Variants in NRF1 observed in about 807,000 individuals in gnomAD.
The protein encoded by NRF1 is nuclear respiratory factor 1.
NRF1 carries 5 observed loss-of-function variants against 58.5 expected under a neutral mutation model. The observed-to-expected ratio is 0.09, with a 90% CI of 0.04 to 0.18. The LOEUF (loss-of-function observed/expected upper bound fraction) is 0.18. NRF1 is among the 10% of genes least tolerant of loss of function. The probability of loss-of-function intolerance (pLI) is 1.00; values close to 1 mark genes in which losing one functional copy is unlikely to be tolerated. For synonymous variants in NRF1, 224 were observed against 246.7 expected, an observed-to-expected ratio of 0.91 and a Z score of 0.86; for missense variants, 288 against 657.7, an observed-to-expected ratio of 0.44 and a Z score of 6.15.
At chr7:129,754,757 A>G (rs1804211613) in intron 10 of NRF1, among the ~76,000 whole-genome samples, 1 of 152,184 alleles carries the variant, frequency 6.6e-6, no homozygotes, top group African/African-American at 2.4e-5. Context: ...ATCATTCTAC[A>G]GTGTATACAT....
At chr7:129,627,925 A>G (rs1800955779) in intron 1 of NRF1, among the ~76,000 whole-genome samples, 1 of 151,776 alleles carries the variant, frequency 6.6e-6, no homozygotes, top group African/African-American at 2.4e-5. Flanking sequence ...GGTCTAGTTT[A>G]GGAAGAGCAG....
chr7:129,665,913 C>T (rs1306155903), intron 2 of NRF1, among the ~76,000 whole-genome samples: 1 of 152,146 alleles, frequency 6.6e-6, no homozygotes, highest in Non-Finnish European at 1.5e-5. Context: ...TGGGCCTAGC[C>T]CTAGAGGACT....
intron 4 of NRF1, among the ~76,000 whole-genome samples, chr7:129,679,919 G>T (rs1251617341): frequency 2.0e-5 from 3 of 150,368 alleles, no homozygotes; most frequent in Admixed American, 2.0e-4. Flanking sequence ...TTAGCCAGAC[G>T]TGGTGGCGGG....
At chr7:129,691,268 A>G (rs1360954946) in intron 5 of NRF1, among the ~76,000 whole-genome samples, 1 of 151,942 alleles carries the variant, frequency 6.6e-6, no homozygotes, top group African/African-American at 2.4e-5. Flanking sequence ...TTTTTATGAA[A>G]TTATCCCCTT....
At chr7:129,660,277 A>G (rs774716936) in intron 2 of NRF1, among the ~76,000 whole-genome samples, 3 of 151,120 alleles carry the variant, frequency 2.0e-5, no homozygotes, top group African/African-American at 4.9e-5. Flanking sequence ...GAGCCAAACC[A>G]TATTATTCCA....
intron 2 of NRF1, among the ~76,000 whole-genome samples, chr7:129,664,954 C>CTA (rs1432495836): frequency 3.9e-5 from 6 of 152,044 alleles, no homozygotes; most frequent in Non-Finnish European, 8.8e-5. Flanking sequence ...TGGGGGAGAG[C>CTA]TACCAATAAT....
At chr7:129,668,163 A>G (rs1801964122) in intron 2 of NRF1, among the ~76,000 whole-genome samples, 1 of 152,198 alleles carries the variant, frequency 6.6e-6, no homozygotes, top group Non-Finnish European at 1.5e-5. Flanking sequence ...ATGGATAACC[A>G]GCATCATATA....
chr7:129,697,441 G>A (rs914951020), intron 5 of NRF1, among the ~76,000 whole-genome samples: 1 of 151,662 alleles, frequency 6.6e-6, no homozygotes, highest in Non-Finnish European at 1.5e-5. Context: ...CCAGCTACTT[G>A]GGAGGGCGAG....
At chr7:129,691,384 C>CT (rs1162043421) in intron 5 of NRF1, among the ~76,000 whole-genome samples, 2 of 124,888 alleles carry the variant, frequency 1.6e-5, no homozygotes, top group East Asian at 4.6e-4. Flanking sequence ...TTTTTTGAGA[C>CT]AGAGTCTCGA....
At chr7:129,645,415 A>C (rs1801383057) in intron 1 of NRF1, among the ~76,000 whole-genome samples, 1 of 152,220 alleles carries the variant, frequency 6.6e-6, no homozygotes, top group African/African-American at 2.4e-5. Flanking sequence ...GAGACTCTCC[A>C]GACACTTGTA....
chr7:129,686,460 G>A (rs111292738), intron 4 of NRF1, among the ~76,000 whole-genome samples: 4 of 152,288 alleles, frequency 2.6e-5, no homozygotes, highest in African/African-American at 9.6e-5. Context: ...AAATATACCA[G>A]CTTTAGAGCT....
At chr7:129,647,386 C>G (rs1801432966) in intron 1 of NRF1, among the ~76,000 whole-genome samples, 1 of 148,586 alleles carries the variant, frequency 6.7e-6, no homozygotes, top group Non-Finnish European at 1.5e-5. Flanking sequence ...TGTGGTAAAG[C>G]TTTTTTTTCT....
At chr7:129,616,842 G>A (rs1800670077) in intron 1 of NRF1, among the ~76,000 whole-genome samples, 1 of 152,170 alleles carries the variant, frequency 6.6e-6, no homozygotes, top group African/African-American at 2.4e-5. Flanking sequence ...AAGTGTGTGT[G>A]TGTTGGAGGG....
chr7:129,630,210 A>G (rs940116088), intron 1 of NRF1: 8 of 152,248 alleles, frequency 5.3e-5, no homozygotes, highest in African/African-American at 1.7e-4. Context: ...CCATTCAGGC[A>G]GCTTTTCCAT....
intron 2 of NRF1, among the ~76,000 whole-genome samples, chr7:129,670,928 C>A (rs973813926): frequency 7.9e-5 from 12 of 152,192 alleles, no homozygotes; most frequent in African/African-American, 2.7e-4. Flanking sequence ...CATTCAGATA[C>A]TCCTTTAGGT....
chr7:129,720,477 G>A (rs965450169), intron 9 of NRF1, among the ~76,000 whole-genome samples: 3 of 152,182 alleles, frequency 2.0e-5, no homozygotes, highest in African/African-American at 7.2e-5. Context: ...TCTGGTCTTT[G>A]TTCCTATGAT....
At chr7:129,712,524 TGGA>T (rs1803096596) in intron 8 of NRF1, among the ~76,000 whole-genome samples, 1 of 152,046 alleles carries the variant, frequency 6.6e-6, no homozygotes, top group Non-Finnish European at 1.5e-5. Flanking sequence ...GGCTGGGAGA[TGGA>T]GGGAGAGTGC....
chr7:129,614,701 C>T (rs1800625832), intron 1 of NRF1, among the ~76,000 whole-genome samples: 1 of 151,970 alleles, frequency 6.6e-6, no homozygotes, highest in Non-Finnish European at 1.5e-5. Flanking sequence ...GGGCCCTTGT[C>T]CAGATATAGA....
chr7:129,619,367 T>C (rs1310569444), intron 1 of NRF1, among the ~76,000 whole-genome samples: 5 of 119,950 alleles, frequency 4.2e-5, no homozygotes, highest in Admixed American at 9.2e-5. Context: ...AAAAAAATCA[T>C]TGGGATAAAA....
Sources: allele counts gnomAD v4.1 joint callset (sites outside exome capture counted in the v4.1 genomes callset), GRCh38; gene constraint gnomAD v4.1.1; transcripts MANE v1.5; gene names NCBI Gene and HGNC (gene_info 2026-07-23, HGNC 2026-07-21).